SATB2: variants seen among roughly 807,000 people sequenced by gnomAD.
SATB2 encodes the protein SATB homeobox 2.
In SATB2, 1 loss-of-function variant was observed where a neutral mutation model predicts 73.4. The ratio of observed to expected loss-of-function variants is 0.01; its 90% CI spans 0.00 to 0.06. The LOEUF is 0.06. Among genes scored for constraint, SATB2 ranks in the 10% least tolerant of loss-of-function variants. The pLI, the probability that SATB2 is intolerant of heterozygous loss-of-function variation, is 1.00. For missense variants in SATB2, 459 were observed against 945.8 expected, an observed-to-expected ratio of 0.49 and a Z score of 6.75; for synonymous variants, 397 against 367.0, an observed-to-expected ratio of 1.08 and a Z score of -0.93.
intron 9 of SATB2, among the ~76,000 whole-genome samples, chr2:199,317,154 T>C (rs1246843288): frequency 1.3e-5 from 2 of 151,848 alleles, no homozygotes; most frequent in Admixed American, 1.3e-4. Context: ...TAGAATGAGG[T>C]GAACAAGCAA....
At chr2:199,437,995 T>C (rs1007447998) in intron 2 of SATB2, among the ~76,000 whole-genome samples, 1 of 152,196 alleles carries the variant, frequency 6.6e-6, no homozygotes, top group African/African-American at 2.4e-5. Flanking sequence ...TACCTGTCCA[T>C]CACAGTAGCC....
intron 5 of SATB2, 45 bp from the exon 6 acceptor site, chr2:199,368,752 C>A (rs780872147): frequency 3.5e-6 from 4 of 1,153,038 alleles, no homozygotes; most frequent in Non-Finnish European, 5.2e-6. Flanking sequence ...ATGACTACTT[C>A]TTTTTAGGGA....
At chr2:199,433,965 C>T (rs868563864) in intron 2 of SATB2, among the ~76,000 whole-genome samples, 4 of 151,370 alleles carry the variant, frequency 2.6e-5, no homozygotes, top group East Asian at 1.9e-4. Context: ...ATTACTTTTA[C>T]GTGTAAAAGT....
At chr2:199,327,455 A>C (rs1168497862) in intron 8 of SATB2, among the ~76,000 whole-genome samples, 3 of 152,154 alleles carry the variant, frequency 2.0e-5, no homozygotes, top group African/African-American at 7.2e-5. Context: ...ACAAACAAAA[A>C]AAATTTATAC....
chr2:199,296,367 C>A (rs1439926412), intron 10 of SATB2, among the ~76,000 whole-genome samples: 2 of 152,124 alleles, frequency 1.3e-5, no homozygotes, highest in Admixed American at 1.3e-4. Context: ...TCTCTGCAAT[C>A]ACCTAATTCA....
In SATB2 at chr2:199,328,714, G is replaced by A; in HGVS notation, c.1370C>T (p.Ser457Phe). The A allele has an allele frequency of 6.2e-7, 1 of 1,613,032 alleles. No individual in the cohort carries two copies. Among genetic ancestry groups the A allele is most frequent in the Non-Finnish European group, 8.5e-7 (1 of 1,179,828 alleles). ...GTTTCTCACCTGAGGGGTTCGGGAGGAGCTGGGACTGCTGGAGGCCGAGGA... is the reference window on the plus strand; with the variant it reads ...GTTTCTCACCTGAGGGGTTCGGGAGAAGCTGGGACTGCTGGAGGCCGAGGA... ...MVSSASSSPS[S>F]SRTPQAKTST... Residue 457 changes from serine to phenylalanine, a missense_variant, in exon 8 of 11, where the codon TCC becomes TTC. Transcript: ENST00000417098.
At chr2:199,418,639 TTTGG>T (rs201700812) in intron 3 of SATB2, among the ~76,000 whole-genome samples, 2 of 152,188 alleles carry the variant, frequency 1.3e-5, no homozygotes, top group East Asian at 3.8e-4. Context: ...ATTTGTTTGA[TTTGG>T]TTTAGTAAAT....
intron 3 of SATB2, among the ~76,000 whole-genome samples, chr2:199,389,707 C>T (rs926756778): frequency 6.6e-6 from 1 of 152,066 alleles, no homozygotes; most frequent in African/African-American, 2.4e-5. Context: ...TAGGTTTTAC[C>T]TTTAAAAATA....
upstream of SATB2, among the ~76,000 whole-genome samples, chr2:199,459,341 G>A (rs1692406975): frequency 6.6e-6 from 1 of 152,074 alleles, no homozygotes; most frequent in South Asian, 2.1e-4. This position sits in a 1 kb window ranked among gnomAD's most constrained non-coding sequence, Gnocchi z 4.2. Flanking sequence ...GCCGCCGGCA[G>A]CCCGACTCCG....
intron 6 of SATB2, among the ~76,000 whole-genome samples, chr2:199,365,808 G>T: frequency 6.6e-6 from 1 of 151,614 alleles, no homozygotes. Flanking sequence ...CCTTCCAGTA[G>T]ACTTTTATTT....
chr2:199,417,816 G>C (rs1025755920), intron 3 of SATB2, among the ~76,000 whole-genome samples: 1 of 152,138 alleles, frequency 6.6e-6, no homozygotes, highest in East Asian at 1.9e-4. Context: ...ATGTAGTGCA[G>C]AACAACTTAT....
chr2:199,403,934 G>A (rs1461227706), intron 3 of SATB2, among the ~76,000 whole-genome samples: 1 of 152,220 alleles, frequency 6.6e-6, no homozygotes, highest in East Asian at 1.9e-4. Context: ...GGAGGACACA[G>A]AGAATCAGAA....
intron 10 of SATB2, among the ~76,000 whole-genome samples, chr2:199,280,600 G>A (rs769354467): frequency 6.6e-5 from 10 of 152,106 alleles, no homozygotes; most frequent in South Asian, 2.1e-4. Flanking sequence ...TGAAATGGCC[G>A]CTTTGGGGGT....
At chr2:199,453,216 C>T (rs1342754834) in intron 2 of SATB2, among the ~76,000 whole-genome samples, 7 of 152,070 alleles carry the variant, frequency 4.6e-5, no homozygotes, top group South Asian at 4.1e-4. Flanking sequence ...AGATAAATTG[C>T]TATTTGATTT....
intron 6 of SATB2, among the ~76,000 whole-genome samples, chr2:199,353,522 A>G (rs951234967): frequency 2.0e-5 from 3 of 152,232 alleles, no homozygotes; most frequent in African/African-American, 7.2e-5. Flanking sequence ...TAATATCAGA[A>G]TAACGTTTTT....
At chr2:199,467,192 G>A (rs1475447573), upstream of SATB2, among the ~76,000 whole-genome samples, 1 of 152,260 alleles carries the variant, frequency 6.6e-6, no homozygotes, top group Non-Finnish European at 1.5e-5. Context: ...TGAAGGGCGG[G>A]ACGCCCAGAG....
At chr2:199,334,241 C>T (rs13426349) in intron 7 of SATB2, among the ~76,000 whole-genome samples, 115,099 of 151,198 alleles carry the variant, frequency 0.76, 45,725 homozygotes, top group South Asian at 0.91. Flanking sequence ...AACATTTGGA[C>T]TAGATAGAGA....
intron 10 of SATB2, among the ~76,000 whole-genome samples, chr2:199,291,464 G>C (rs999205521): frequency 1.1e-4 from 16 of 152,038 alleles, no homozygotes; most frequent in African/African-American, 3.9e-4. Context: ...AAAGCATTTT[G>C]GCATTAAACA....
chr2:199,397,287 T>C (rs2105888001), intron 3 of SATB2, among the ~76,000 whole-genome samples: 1 of 152,350 alleles, frequency 6.6e-6, no homozygotes, highest in African/African-American at 2.4e-5. Context: ...AGAAAAATAG[T>C]ATATTAAATA....
Sources: allele counts gnomAD v4.1 joint callset (sites outside exome capture counted in the v4.1 genomes callset), GRCh38; gene constraint gnomAD v4.1.1; non-coding constraint Gnocchi (gnomAD v3.1); transcripts MANE v1.5; gene names NCBI Gene and HGNC (gene_info 2026-07-23, HGNC 2026-07-21).